The following CERS6 variants were observed in gnomAD, a reference collection of about 807,000 sequenced individuals.
CERS6 encodes LAG1 homolog, ceramide synthase 6.
A neutral mutation model predicts 56.8 loss-of-function variants in CERS6; 26 were observed. That is an observed-to-expected ratio of 0.46 (90% CI 0.34 to 0.63). The LOEUF is 0.63. CERS6 is among the 30% of genes least tolerant of loss of function. The probability of loss-of-function intolerance (pLI) is 0.01; values close to 1 mark genes in which losing one functional copy is unlikely to be tolerated. For synonymous variants in CERS6, 164 were observed against 173.3 expected, an observed-to-expected ratio of 0.95 and a Z score of 0.42; for missense variants, 415 against 467.5, an observed-to-expected ratio of 0.89 and a Z score of 1.04.
chr2:168,555,574 A>T (rs1695660247), intron 2 of CERS6, among the ~76,000 whole-genome samples: 1 of 152,066 alleles, frequency 6.6e-6, no homozygotes, highest in Admixed American at 6.5e-5. Flanking sequence ...TTGTTTTACC[A>T]AAGGCAGCTA....
intron 1 of CERS6, among the ~76,000 whole-genome samples, chr2:168,476,279 GA>G (rs921833737): frequency 1.4e-5 from 2 of 146,350 alleles, no homozygotes; most frequent in Admixed American, 6.8e-5. Flanking sequence ...AGCTAATAAA[GA>G]AAAAAAAATC....
intron 2 of CERS6, among the ~76,000 whole-genome samples, chr2:168,557,032 T>G (rs1695694592): frequency 6.8e-6 from 1 of 147,370 alleles, no homozygotes; most frequent in Admixed American, 6.8e-5. Context: ...GGCATGTTGT[T>G]GCACACCTGT....
chr2:168,635,103 A>G (rs1684833341), intron 4 of CERS6, among the ~76,000 whole-genome samples: 1 of 152,196 alleles, frequency 6.6e-6, no homozygotes, highest in Non-Finnish European at 1.5e-5. Flanking sequence ...CTTGTAACAG[A>G]CATTTCAAGG....
intron 4 of CERS6, among the ~76,000 whole-genome samples, chr2:168,636,686 A>G (rs1684867065): frequency 6.6e-6 from 1 of 152,180 alleles, no homozygotes; most frequent in Admixed American, 6.5e-5. Context: ...TAACGAAAGG[A>G]AATTCTTCAG....
chr2:168,744,747 T>G (rs1684050263), intron 8 of CERS6, among the ~76,000 whole-genome samples: 1 of 152,232 alleles, frequency 6.6e-6, no homozygotes, highest in African/African-American at 2.4e-5. Flanking sequence ...ATCATGTCTC[T>G]ACTGAGAGCA....
rs574651821 is a variant in CERS6, at chr2:168,698,649, A to C, written c.609+3598A>C. ...TGCAACATGAGATTTGGGAGGGGACACAGATCCAAACCATATCAATTGCTT... is the reference window on the plus strand; with the variant it reads ...TGCAACATGAGATTTGGGAGGGGACCCAGATCCAAACCATATCAATTGCTT... On this transcript the variant is annotated intron_variant, in intron 6 of 9. Transcript: ENST00000305747. 2.0e-5 allele frequency among the ~76,000 whole-genome samples: 3 copies of C among 152,310 alleles called. No homozygotes were observed. In the South Asian group the frequency reaches 6.2e-4, roughly 32 times the overall value.
intron 1 of CERS6, among the ~76,000 whole-genome samples, chr2:168,508,503 T>G (rs1402507870): frequency 6.6e-6 from 1 of 152,188 alleles, no homozygotes; most frequent in African/African-American, 2.4e-5. Flanking sequence ...GCACCTTCAA[T>G]GCACCCCTTC....
chr2:168,712,796 TG>T (rs1687126211), intron 6 of CERS6, among the ~76,000 whole-genome samples: 1 of 152,162 alleles, frequency 6.6e-6, no homozygotes, highest in African/African-American at 2.4e-5. Flanking sequence ...GTAATGCCTT[TG>T]CCTTGGTTGT....
intron 1 of CERS6, among the ~76,000 whole-genome samples, chr2:168,518,009 C>T (rs1416325279): frequency 2.6e-5 from 4 of 152,170 alleles, no homozygotes; most frequent in Admixed American, 2.6e-4. Context: ...ACTAATTTTG[C>T]AGTGAGTGAC....
chr2:168,686,640 A>G (rs201325306), intron 4 of CERS6, among the ~76,000 whole-genome samples: 1 of 152,074 alleles, frequency 6.6e-6, no homozygotes, highest in South Asian at 2.1e-4. Flanking sequence ...GGGGGAATCT[A>G]TTCCAAATGC....
chr2:168,683,958 C>T (rs1686283076), intron 4 of CERS6, among the ~76,000 whole-genome samples: 1 of 152,160 alleles, frequency 6.6e-6, no homozygotes, highest in Non-Finnish European at 1.5e-5. Flanking sequence ...CTCACGTTTT[C>T]CATCTGCTTG....
At chr2:168,536,946 A>G (rs1295064698) in intron 1 of CERS6, among the ~76,000 whole-genome samples, 3 of 152,202 alleles carry the variant, frequency 2.0e-5, no homozygotes, top group Non-Finnish European at 4.4e-5. Flanking sequence ...GATGGGCAAT[A>G]AACATTTCTT....
Position 168,470,952 on chromosome 2 carries a change from A to C in CERS6, c.170+14334A>C, listed in dbSNP as rs1199814576. On this transcript the variant is annotated intron_variant, in intron 1 of 9. Transcript: ENST00000305747. Reference sequence around the variant, plus strand: ...GTGCTAGGAAATTCCAGCTCCTCCCAAGGCTGCCTCGCTCAGAGGCAGGCG... The same window carrying C: ...GTGCTAGGAAATTCCAGCTCCTCCCCAGGCTGCCTCGCTCAGAGGCAGGCG... Among the ~76,000 whole-genome samples, 4 of 151,564 alleles carry C rather than the reference A, an allele frequency of 2.6e-5. No homozygotes were observed. In the East Asian group the frequency reaches 7.7e-4, roughly 29 times the overall value.
intron 3 of CERS6, among the ~76,000 whole-genome samples, chr2:168,590,027 CAGTACAGTACCTGAGAG>C (rs1359667251): frequency 6.6e-6 from 1 of 152,140 alleles, no homozygotes; most frequent in Non-Finnish European, 1.5e-5. Context: ...TTCGTTAAAC[CAGTACAGTACCTGAGAG>C]AAGACTCCAG....
At position 168,631,528 on chromosome 2, in the gene CERS6, A is replaced by ATATATTAAATATAATATATATTTAATATT. The variant is rs1559028108; in HGVS notation, c.465+488_465+489insTATTAAATATAATATATATTTAATATTTA. Among the ~76,000 whole-genome samples the ATATATTAAATATAATATATATTTAATATT allele has an allele frequency of 8.3e-4, 11 of 13,276 alleles. 2 individuals carry two copies. The highest frequency in any genetic ancestry group is 3.4e-3 in the Non-Finnish European group (10 of 2,918). 8.7% of individuals were successfully genotyped at this position (13,276 alleles called of 152,430 possible). A position where few individuals can be genotyped will look rare whatever the true frequency, so the allele number is the denominator to read the frequency against. On this transcript the variant is annotated intron_variant, in intron 4 of 9. Coordinates refer to ENST00000305747, the MANE Select transcript of CERS6 (RefSeq NM_203463.3). ...ATAATATATATAAACTATTATATAA[A>ATATATTAAATATAATATATATTTAATATT]TACATATTAAATATATTATATTTTT... is the stretch of plus-strand genomic sequence containing the variant.
intron 1 of CERS6, among the ~76,000 whole-genome samples, chr2:168,497,993 T>C (rs747893283): frequency 6.6e-6 from 1 of 152,174 alleles, no homozygotes; most frequent in East Asian, 1.9e-4. Context: ...GGAAGACTCC[T>C]GATACCAAGC....
chr2:168,555,595 GA>G (rs940442062), intron 2 of CERS6, among the ~76,000 whole-genome samples: 2 of 148,836 alleles, frequency 1.3e-5, no homozygotes, highest in African/African-American at 2.5e-5. Flanking sequence ...AATCGACTAA[GA>G]AAAAAAAAGC....
intron 6 of CERS6, among the ~76,000 whole-genome samples, chr2:168,714,439 C>T (rs972437637): frequency 1.3e-5 from 2 of 152,208 alleles, no homozygotes. Flanking sequence ...AAAGACACAG[C>T]CAATACCTGC....
At chr2:168,474,065 C>CA (rs1018852896) in intron 1 of CERS6, among the ~76,000 whole-genome samples, 3 of 151,966 alleles carry the variant, frequency 2.0e-5, no homozygotes, top group Admixed American at 6.6e-5. Context: ...TCATGTCTCT[C>CA]AAAAAAACAA....
Sources: allele counts gnomAD v4.1 joint callset (sites outside exome capture counted in the v4.1 genomes callset), GRCh38; gene constraint gnomAD v4.1.1; transcripts MANE v1.5; gene names NCBI Gene and HGNC (gene_info 2026-07-23, HGNC 2026-07-21).